SYNPR: variants seen among roughly 807,000 people sequenced by gnomAD.
The protein encoded by SYNPR is synaptoporin.
A neutral mutation model predicts 32.9 loss-of-function variants in SYNPR; 23 were observed. The observed-to-expected ratio is 0.70, with a 90% CI of 0.50 to 0.99. The LOEUF (loss-of-function observed/expected upper bound fraction) is 0.99, where lower values mean the gene tolerates loss of function less well. Ranked by LOEUF, SYNPR falls within the 50% of genes least tolerant of loss-of-function variation. SYNPR has a pLI of 0.00. For missense variants in SYNPR, 318 were observed against 349.3 expected (o/e 0.91, Z 0.71); for synonymous variants, 146 against 135.9 (o/e 1.07, Z -0.52).
chr3:63,466,746 G>A (rs915665741), intron 2 of SYNPR, among the ~76,000 whole-genome samples: 1 of 133,894 alleles, frequency 7.5e-6, no homozygotes, highest in Non-Finnish European at 1.5e-5. Context: ...TGTGGAGAGG[G>A]ACAGAGAAAG....
At chr3:63,406,547 C>T (rs893288583) in intron 2 of SYNPR, among the ~76,000 whole-genome samples, 3 of 151,740 alleles carry the variant, frequency 2.0e-5, no homozygotes, top group African/African-American at 7.3e-5. Context: ...AGGCCAGAGC[C>T]GAGCCTGACT....
In SYNPR at chr3:63,278,530, A is replaced by G. The variant is rs1249633148; in HGVS notation, c.-4A>G. On this transcript the variant is annotated 5_prime_UTR_variant, in exon 1 of 6. Coordinates refer to ENST00000478300, the MANE Select transcript of SYNPR (RefSeq NM_001130003.2). ...TGGATGAGAAGAGCGAGCGAGGGCG[A>G]GCTATGGACCCTGTGAGTCAGGTGA... 1.3e-6 allele frequency: 2 copies of G among 1,548,120 alleles called. No homozygotes were observed. Among genetic ancestry groups the G allele is most frequent in the Non-Finnish European group, 1.7e-6 (2 of 1,144,856 alleles).
At chr3:63,263,927 G>A (rs564468760) in intron 2 of SYNPR, among the ~76,000 whole-genome samples, 47 of 152,232 alleles carry the variant, frequency 3.1e-4, no homozygotes, top group South Asian at 4.1e-4. Context: ...TTTTGGGGCC[G>A]TGTTTCAAAA....
chr3:63,608,670 T>C (rs1381592937), intron 4 of SYNPR, among the ~76,000 whole-genome samples: 1 of 152,204 alleles, frequency 6.6e-6, no homozygotes, highest in Non-Finnish European at 1.5e-5. Context: ...GTCTAAAGGT[T>C]TGGAATCATG....
intron 4 of SYNPR, among the ~76,000 whole-genome samples, chr3:63,592,038 T>C (rs976910300): frequency 1.3e-5 from 2 of 152,086 alleles, no homozygotes; most frequent in African/African-American, 4.8e-5. Context: ...GAGATCAAGC[T>C]GTATTTGGGT....
intron 2 of SYNPR, among the ~76,000 whole-genome samples, chr3:63,370,806 G>A (rs1262684917): frequency 1.3e-5 from 2 of 152,124 alleles, no homozygotes; most frequent in Admixed American, 6.5e-5. Context: ...TGAATTCATA[G>A]GTGAGAACCT....
At chr3:63,275,666 A>AT (rs2086568586), upstream of SYNPR, among the ~76,000 whole-genome samples, 1 of 152,244 alleles carries the variant, frequency 6.6e-6, no homozygotes, top group Non-Finnish European at 1.5e-5. Context: ...AGATGACCTT[A>AT]GGCATGTTAC....
intron 1 of SYNPR, among the ~76,000 whole-genome samples, chr3:63,241,722 C>G (rs909863107): frequency 6.6e-6 from 1 of 152,086 alleles, no homozygotes; most frequent in Non-Finnish European, 1.5e-5. Flanking sequence ...TAACGAGCCA[C>G]TCAGTTAACC....
At chr3:63,254,659 C>T (rs1361976334) in intron 2 of SYNPR, among the ~76,000 whole-genome samples, 2 of 152,062 alleles carry the variant, frequency 1.3e-5, no homozygotes, top group Admixed American at 1.3e-4. Flanking sequence ...GGGGGTCTGT[C>T]ATATGCATTA....
At chr3:63,294,524 C>T (rs1046433132) in intron 2 of SYNPR, among the ~76,000 whole-genome samples, 8 of 152,284 alleles carry the variant, frequency 5.3e-5, no homozygotes, top group East Asian at 3.9e-4. Flanking sequence ...ATGCTGTTCA[C>T]GTGGACTTTT....
intron 2 of SYNPR, among the ~76,000 whole-genome samples, chr3:63,479,008 A>G (rs1480837804): frequency 6.6e-6 from 1 of 152,162 alleles, no homozygotes; most frequent in Non-Finnish European, 1.5e-5. Context: ...GCAAGTCCAC[A>G]CCAGGGGCCT....
At chr3:63,232,278 T>G (rs1165495540) in intron 1 of SYNPR, among the ~76,000 whole-genome samples, 1 of 140,816 alleles carries the variant, frequency 7.1e-6, no homozygotes, top group African/African-American at 2.6e-5. Context: ...CTTGGCTCAC[T>G]GCAACCTCCC....
intron 3 of SYNPR, among the ~76,000 whole-genome samples, chr3:63,490,381 G>A (rs1324826348): frequency 6.6e-6 from 1 of 152,092 alleles, no homozygotes; most frequent in Non-Finnish European, 1.5e-5. Flanking sequence ...AAATGGGAAG[G>A]CATTGGAAAG....
intron 2 of SYNPR, among the ~76,000 whole-genome samples, chr3:63,426,381 T>C (rs1257566663): frequency 6.6e-6 from 1 of 152,200 alleles, no homozygotes; most frequent in East Asian, 1.9e-4. Context: ...CTACTTTATG[T>C]CAGCCACAAA....
intron 5 of SYNPR, among the ~76,000 whole-genome samples, chr3:63,611,800 A>G (rs2106907597): frequency 6.6e-6 from 1 of 152,298 alleles, no homozygotes; most frequent in African/African-American, 2.4e-5. Flanking sequence ...GTCCAGTTGC[A>G]AATTTCTGGT....
chr3:63,258,782 G>A (rs2086410649), intron 2 of SYNPR, among the ~76,000 whole-genome samples: 1 of 152,104 alleles, frequency 6.6e-6, no homozygotes, highest in Non-Finnish European at 1.5e-5. Flanking sequence ...ATGAATCCAG[G>A]AGCTGGTTTT....
intron 2 of SYNPR, among the ~76,000 whole-genome samples, chr3:63,283,678 G>C (rs1437044997): frequency 6.8e-6 from 1 of 148,054 alleles, no homozygotes; most frequent in Non-Finnish European, 1.5e-5. Context: ...ACGATGGAGG[G>C]CAGTGATAAA....
At chr3:63,324,437 G>A (rs937786251) in intron 2 of SYNPR, among the ~76,000 whole-genome samples, 3 of 152,080 alleles carry the variant, frequency 2.0e-5, no homozygotes, top group African/African-American at 7.2e-5. Context: ...TGAGCTGGGA[G>A]GTGACATGGC....
At chr3:63,261,025 C>A (rs1230392255) in intron 2 of SYNPR, among the ~76,000 whole-genome samples, 3 of 152,326 alleles carry the variant, frequency 2.0e-5, no homozygotes, top group African/African-American at 7.2e-5. Context: ...GATACCATCT[C>A]ACACCACTTA....
Sources: gnomAD v4.1 joint callset for allele counts (sites outside exome capture counted in the v4.1 genomes callset) on GRCh38, gnomAD v4.1.1 for gene constraint, MANE v1.5 for transcripts, NCBI Gene and HGNC (gene_info 2026-07-23, HGNC 2026-07-21) for gene names.